DDR2: variants seen among roughly 807,000 people sequenced by gnomAD.
The protein encoded by DDR2 is discoidin domain-containing receptor 2.
A neutral mutation model predicts 94.9 loss-of-function variants in DDR2; 27 were observed. That is an observed-to-expected ratio of 0.28 (90% CI 0.21 to 0.39). DDR2 has a LOEUF of 0.39. DDR2 is among the 10% of genes least tolerant of loss of function. The pLI is 1.00. For synonymous variants in DDR2, 382 were observed against 377.2 expected (o/e 1.01, Z -0.15); for missense variants, 783 against 1,076.0 (o/e 0.73, Z 3.81).
intron 2 of DDR2, among the ~76,000 whole-genome samples, chr1:162,659,391 T>C (rs1387593129): frequency 9.2e-5 from 14 of 152,172 alleles, no homozygotes; most frequent in Non-Finnish European, 1.6e-4. Context: ...GTCATTATCC[T>C]TGGAGCTGAC....
At chr1:162,702,598 C>T (rs1660480709) in intron 2 of DDR2, among the ~76,000 whole-genome samples, 1 of 152,124 alleles carries the variant, frequency 6.6e-6, no homozygotes, top group Non-Finnish European at 1.5e-5. Context: ...TAAATGTCAC[C>T]CTATTTCAAC....
chr1:162,786,511 T>G lies in DDR2; in HGVS notation c.*6265T>G, dbSNP rs1648155678. 6.6e-6 allele frequency: 1 copy of G among 152,278 alleles called. No individual in the cohort carries two copies. Among genetic ancestry groups the G allele is most frequent in the South Asian group, 2.1e-4 (1 of 4,838 alleles). 9.4% of individuals were successfully genotyped at this position (152,278 alleles called of 1,614,324 possible). A position where few individuals can be genotyped will look rare whatever the true frequency, so the allele number is the denominator to read the frequency against. ...TTGTATATTTTCTTTTCTTTATTTA[T>G]TCTCTGTAAGTCTGTCAGATGATAA... On this transcript the variant is annotated 3_prime_UTR_variant, in exon 18 of 18. Transcript: ENST00000367921.
At chr1:162,712,408 A>G (rs1660960421) in intron 2 of DDR2, among the ~76,000 whole-genome samples, 1 of 151,808 alleles carries the variant, frequency 6.6e-6, no homozygotes, top group South Asian at 2.1e-4. Flanking sequence ...TACAGAGATA[A>G]TTTGTGAGAC....
At chr1:162,727,044 A>C (rs112412810) in intron 3 of DDR2, among the ~76,000 whole-genome samples, 2,645 of 145,846 alleles carry the variant, frequency 0.018, 71 homozygotes, top group African/African-American at 0.062. Context: ...AAAAATTATA[A>C]ATATTATAAT....
At chr1:162,640,176 G>A (rs2101887163) in intron 1 of DDR2, among the ~76,000 whole-genome samples, 1 of 152,012 alleles carries the variant, frequency 6.6e-6, no homozygotes, top group African/African-American at 2.4e-5. Context: ...TGAGTAGCTG[G>A]GATTACAGGC....
At chr1:162,646,178 CT>C (rs1657398740) in intron 1 of DDR2, among the ~76,000 whole-genome samples, 1 of 152,188 alleles carries the variant, frequency 6.6e-6, no homozygotes, top group Non-Finnish European at 1.5e-5. Flanking sequence ...ATGATGGTTA[CT>C]GCTTGTATTA....
chr1:162,641,265 G>T (rs1657116070), intron 1 of DDR2, among the ~76,000 whole-genome samples: 1 of 152,160 alleles, frequency 6.6e-6, no homozygotes, highest in African/African-American at 2.4e-5. Context: ...GCTAATCGCT[G>T]TCCTGTCAGC....
intron 2 of DDR2, among the ~76,000 whole-genome samples, chr1:162,697,210 T>C (rs1371683078): frequency 5.3e-5 from 8 of 151,802 alleles, no homozygotes; most frequent in African/African-American, 1.9e-4. Flanking sequence ...TTAGAGTGCG[T>C]CTTTCTTAGA....
At chr1:162,770,675 C>T (rs1217007238) in intron 12 of DDR2, 163 bp downstream of exon 12, 2 of 784,514 alleles carry the variant, frequency 2.5e-6, no homozygotes, top group Non-Finnish European at 4.5e-6. Flanking sequence ...CTGCTCCTGG[C>T]CTAATTTGAG....
At chr1:162,642,447 TG>T (rs1424616908) in intron 1 of DDR2, among the ~76,000 whole-genome samples, 2 of 120,358 alleles carry the variant, frequency 1.7e-5, no homozygotes, top group African/African-American at 7.3e-5. Flanking sequence ...TAATTTTCTG[TG>T]TTTTTTTTTT....
chr1:162,762,990 CTG>C (rs1286250031), intron 9 of DDR2, among the ~76,000 whole-genome samples: 4 of 152,120 alleles, frequency 2.6e-5, no homozygotes, highest in Non-Finnish European at 4.4e-5. Flanking sequence ...GTGCCTGCCA[CTG>C]CGCCTGGCTA....
At chr1:162,749,378 C>T (rs966619658) in intron 3 of DDR2, among the ~76,000 whole-genome samples, 15 of 152,182 alleles carry the variant, frequency 9.9e-5, no homozygotes, top group Non-Finnish European at 7.3e-5. Context: ...CTATAAACAC[C>T]TCTATGCAAA....
intron 3 of DDR2, among the ~76,000 whole-genome samples, chr1:162,745,063 G>A (rs1662785698): frequency 6.6e-6 from 1 of 152,126 alleles, no homozygotes; most frequent in Non-Finnish European, 1.5e-5. Context: ...TCTCATTATG[G>A]TTTTAATTTG....
intron 1 of DDR2, among the ~76,000 whole-genome samples, chr1:162,650,633 C>T (rs1657641528): frequency 6.6e-6 from 1 of 152,096 alleles, no homozygotes; most frequent in Non-Finnish European, 1.5e-5. Context: ...ACTATGTGCT[C>T]CTGGTCACAT....
intron 2 of DDR2, among the ~76,000 whole-genome samples, chr1:162,681,794 T>G (rs1035106689): frequency 8.6e-5 from 13 of 151,970 alleles, no homozygotes; most frequent in African/African-American, 3.1e-4. Flanking sequence ...ACTTTGGGGG[T>G]CAGATTTAAA....
intron 16 of DDR2, chr1:162,777,937 G>A (rs776482267): frequency 6.4e-6 from 1 of 155,766 alleles, no homozygotes; most frequent in Non-Finnish European, 1.4e-5. Context: ...CAAAACTCCC[G>A]TGTTGATCAG....
At chr1:162,766,305 C>T (rs1663986319) in intron 10 of DDR2, among the ~76,000 whole-genome samples, 1 of 152,162 alleles carries the variant, frequency 6.6e-6, no homozygotes, top group African/African-American at 2.4e-5. Context: ...CTAATTTCTC[C>T]ATGAAAGTTT....
At chr1:162,742,988 A>G (rs1473588860) in intron 3 of DDR2, among the ~76,000 whole-genome samples, 2 of 152,108 alleles carry the variant, frequency 1.3e-5, no homozygotes, top group African/African-American at 4.8e-5. Flanking sequence ...CCCTCCCACA[A>G]CATGTGGGAA....
chr1:162,724,726 G>A (rs566507454), intron 3 of DDR2, among the ~76,000 whole-genome samples: 2 of 152,244 alleles, frequency 1.3e-5, no homozygotes, highest in South Asian at 2.1e-4. Flanking sequence ...GTGAAACCAG[G>A]CCTGAGGTAC....
Sources: allele counts gnomAD v4.1 joint callset (sites outside exome capture counted in the v4.1 genomes callset), GRCh38; gene constraint gnomAD v4.1.1; transcripts MANE v1.5; gene names NCBI Gene and HGNC (gene_info 2026-07-23, HGNC 2026-07-21).